BACH2: variants seen among roughly 807,000 people sequenced by gnomAD.
BACH2 encodes the protein transcription regulator protein BACH2.
BACH2 carries 5 observed loss-of-function variants against 61.8 expected under a neutral mutation model. That is an observed-to-expected ratio of 0.08 (90% CI 0.04 to 0.17). BACH2 has a LOEUF of 0.17. Ranked by LOEUF, BACH2 falls within the 10% of genes least tolerant of loss-of-function variation. The pLI is 1.00. For synonymous variants in BACH2, 446 were observed against 440.1 expected (o/e 1.01, Z -0.17); for missense variants, 824 against 1,091.1 (o/e 0.76, Z 3.45).
chr6:90,226,041 T>C (rs968943484), intron 3 of BACH2, among the ~76,000 whole-genome samples: 8 of 152,176 alleles, frequency 5.3e-5, no homozygotes, highest in African/African-American at 1.9e-4. Context: ...GTGATTCTGA[T>C]GTGCTGTAAA....
chr6:90,039,226 C>A (rs972534222), intron 5 of BACH2, among the ~76,000 whole-genome samples: 1 of 152,102 alleles, frequency 6.6e-6, no homozygotes, highest in Non-Finnish European at 1.5e-5. Flanking sequence ...TTATTATAAA[C>A]AAGGTTGTAA....
At chr6:90,111,764 C>G (rs1320074161) in intron 4 of BACH2, among the ~76,000 whole-genome samples, 1 of 152,228 alleles carries the variant, frequency 6.6e-6, no homozygotes, top group Non-Finnish European at 1.5e-5. Context: ...ACTAATTTGA[C>G]AGCTGGTTTG....
chr6:90,110,174 C>T (rs1469112459), intron 4 of BACH2, among the ~76,000 whole-genome samples: 1 of 152,156 alleles, frequency 6.6e-6, no homozygotes, highest in East Asian at 1.9e-4. Flanking sequence ...ATCTAGCTCA[C>T]ACAGATACAT....
rs748552785 is a variant in BACH2, at chr6:90,089,025, G to A, written c.-77C>T. On this transcript the variant is annotated 5_prime_UTR_variant, in exon 5 of 9. Coordinates refer to ENST00000257749, the MANE Select transcript of BACH2 (RefSeq NM_021813.4). ...GGATGCAGGGAACTGGGCGAAGGGAGAGATGAGAAGGCTCTGGCAATCCAT... is the reference window on the plus strand; with the variant it reads ...GGATGCAGGGAACTGGGCGAAGGGAAAGATGAGAAGGCTCTGGCAATCCAT... 2 of 152,340 alleles carry A rather than the reference G, an allele frequency of 1.3e-5. No individual in the cohort carries two copies. The highest frequency in any genetic ancestry group is 2.9e-5 in the Non-Finnish European group (2 of 68,060). The allele number at this position is 152,340 out of a possible 1,614,324, so 9.4% of individuals were successfully genotyped here.
chr6:90,259,089 C>G (rs1334809315), intron 2 of BACH2, among the ~76,000 whole-genome samples: 1 of 152,138 alleles, frequency 6.6e-6, no homozygotes, highest in Non-Finnish European at 1.5e-5. Flanking sequence ...ATTGCTGGTA[C>G]TTCCAGTACT....
intron 4 of BACH2, among the ~76,000 whole-genome samples, chr6:90,194,576 C>G (rs748463601): frequency 6.6e-6 from 1 of 152,160 alleles, no homozygotes; most frequent in Admixed American, 6.5e-5. Flanking sequence ...GACCACTCAC[C>G]AGCATTATTC....
Position 89,969,050 on chromosome 6 carries a change from C to CTTTT in BACH2, c.244-17192_244-17189dup, listed in dbSNP as rs76254643. On this transcript the variant is annotated intron_variant, in intron 6 of 8. Coordinates refer to ENST00000257749, the MANE Select transcript of BACH2 (RefSeq NM_021813.4). Reference sequence around the variant, plus strand: ...AAAGAATGTGTCTTAAAAATGTAGTCTTTTTTTTTTTTTTTTTTTTTAGGC... The same window carrying CTTTT: ...AAAGAATGTGTCTTAAAAATGTAGTCTTTTTTTTTTTTTTTTTTTTTTTTTAGGC... Among the ~76,000 whole-genome samples the CTTTT allele has an allele frequency of 1.5e-4, 17 of 113,954 alleles. No homozygotes were observed. The South Asian group carries it at 1.6e-3, about 11-fold the overall frequency. 74.8% of individuals were successfully genotyped at this position (113,954 alleles called of 152,430 possible). A position where few individuals can be genotyped will look rare whatever the true frequency, so the allele number is the denominator to read the frequency against.
At chr6:90,011,792 G>A (rs989218065) in intron 5 of BACH2, among the ~76,000 whole-genome samples, 4 of 151,924 alleles carry the variant, frequency 2.6e-5, no homozygotes, top group East Asian at 1.9e-4. Context: ...GTGGTGGTAC[G>A]TGCCTGTAAT....
chr6:90,061,276 T>C lies in BACH2; in HGVS notation c.-13+27685A>G, dbSNP rs891810434. Reference sequence around the variant, plus strand: ...GAGGTGAAATGACTCGATATCTGATTGGGCATAAAACAGGAGGAGCTTTTG... The same window carrying C: ...GAGGTGAAATGACTCGATATCTGATCGGGCATAAAACAGGAGGAGCTTTTG... On this transcript the variant is annotated intron_variant, in intron 5 of 8. Coordinates refer to ENST00000257749, the MANE Select transcript of BACH2 (RefSeq NM_021813.4). Among the ~76,000 whole-genome samples, 3 of 152,092 alleles carry C rather than the reference T, an allele frequency of 2.0e-5. No individual in the cohort carries two copies. In the East Asian group the frequency reaches 5.8e-4, roughly 29 times the overall value.
chr6:90,066,045 G>A (rs150925748), intron 5 of BACH2, among the ~76,000 whole-genome samples: 5 of 152,238 alleles, frequency 3.3e-5, no homozygotes, highest in Admixed American at 6.5e-5. Context: ...TCTTTATGCT[G>A]CCTACTTTTA....
At position 90,013,783 on chromosome 6, in the gene BACH2, T is replaced by C. The variant is rs369007165; in HGVS notation, c.-12-4927A>G. On this transcript the variant is annotated intron_variant, in intron 5 of 8. Coordinates refer to ENST00000257749, the MANE Select transcript of BACH2 (RefSeq NM_021813.4). The stretch of plus-strand genomic sequence containing the variant: ...TTGGCCTCTGAAAGTGCTGGGATTA[T>C]AGGTGTGAGTCACTGTGCCCGGCCT... Among the ~76,000 whole-genome samples the C allele has an allele frequency of 4.1e-4, 63 of 152,142 alleles. No individual in the cohort carries two copies. In the East Asian group the frequency reaches 4.6e-3, roughly 11 times the overall value.
intron 4 of BACH2, among the ~76,000 whole-genome samples, chr6:90,146,611 G>A (rs1039047961): frequency 6.6e-6 from 1 of 152,254 alleles, no homozygotes; most frequent in East Asian, 1.9e-4. Context: ...ATAGATGACT[G>A]GTCTCAACAC....
chr6:90,000,881 T>C (rs1258250899), intron 6 of BACH2, among the ~76,000 whole-genome samples: 4 of 152,162 alleles, frequency 2.6e-5, no homozygotes. Context: ...TGGAGTCCTG[T>C]GGTTCTCTCC....
intron 4 of BACH2, among the ~76,000 whole-genome samples, chr6:90,206,209 A>T (rs553887472): frequency 6.6e-6 from 1 of 152,322 alleles, no homozygotes; most frequent in African/African-American, 2.4e-5. Flanking sequence ...CCAAGAAGTC[A>T]GGCCACTTGT....
chr6:90,124,816 C>T (rs907130805), intron 4 of BACH2, among the ~76,000 whole-genome samples: 4 of 152,256 alleles, frequency 2.6e-5, no homozygotes, highest in South Asian at 4.1e-4. Context: ...TGCAATTTTA[C>T]GCACACTGAT....
At chr6:90,277,454 T>C (rs1475774676) in intron 1 of BACH2, among the ~76,000 whole-genome samples, 1 of 152,156 alleles carries the variant, frequency 6.6e-6, no homozygotes, top group Non-Finnish European at 1.5e-5. Flanking sequence ...ATCTATGCTT[T>C]CCCAAGTCAG....
chr6:90,026,590 TG>T lies in BACH2; in HGVS notation c.-12-17735del, dbSNP rs74787991. On this transcript the variant is annotated intron_variant, in intron 5 of 8. Transcript: ENST00000257749. ...TGTCAAACCTAACTCCTTCTTGGAATGGGGGTGGGGGTTACCTCCAGACACA... is the reference window on the plus strand; with the variant it reads ...TGTCAAACCTAACTCCTTCTTGGAATGGGGTGGGGGTTACCTCCAGACACA... Among the ~76,000 whole-genome samples, 713 of 152,202 alleles carry T rather than the reference TG, an allele frequency of 4.7e-3. 13 individuals are homozygous for T. The East Asian group carries it at 0.077, about 16-fold the overall frequency.
chr6:90,119,125 T>C (rs977572243), intron 4 of BACH2, among the ~76,000 whole-genome samples: 2 of 152,228 alleles, frequency 1.3e-5, no homozygotes, highest in Admixed American at 6.5e-5. Flanking sequence ...AAGACTTTAT[T>C]TATATGCAAG....
intron 2 of BACH2, among the ~76,000 whole-genome samples, chr6:90,267,900 TC>T (rs1771392244): frequency 6.6e-6 from 1 of 152,032 alleles, no homozygotes; most frequent in Non-Finnish European, 1.5e-5. Flanking sequence ...AGAAAGACAA[TC>T]AACTTTTTCT....
Sources: gnomAD v4.1 joint callset for allele counts (sites outside exome capture counted in the v4.1 genomes callset) on GRCh38, gnomAD v4.1.1 for gene constraint, MANE v1.5 for transcripts, NCBI Gene and HGNC (gene_info 2026-07-23, HGNC 2026-07-21) for gene names.